CERS3: variants seen among roughly 807,000 people sequenced by gnomAD.
The protein encoded by CERS3 is ceramide synthase 3.
CERS3 carries 33 observed loss-of-function variants against 50.3 expected under a neutral mutation model. That is an observed-to-expected ratio of 0.66 (90% CI 0.50 to 0.88). CERS3 has a LOEUF of 0.88. Ranked by LOEUF, CERS3 falls within the 40% of genes least tolerant of loss-of-function variation. The pLI is 0.00. For missense variants in CERS3, 470 were observed against 460.3 expected (o/e 1.02, Z -0.19); for synonymous variants, 176 against 155.2 (o/e 1.13, Z -0.99).
chr15:100,477,361 C>T (rs1468115446), intron 7 of CERS3, among the ~76,000 whole-genome samples: 2 of 152,146 alleles, frequency 1.3e-5, no homozygotes, highest in East Asian at 3.8e-4. Flanking sequence ...ACTCCTCATC[C>T]TTGATAAGGC....
chr15:100,439,328 A>C (rs759875104), intron 11 of CERS3, among the ~76,000 whole-genome samples: 17 of 152,214 alleles, frequency 1.1e-4, no homozygotes, highest in Admixed American at 6.5e-4. Context: ...ATGAAAATTC[A>C]TGGAGACCAA....
At chr15:100,482,378 G>A (rs1167111088) in intron 5 of CERS3, among the ~76,000 whole-genome samples, 2 of 152,134 alleles carry the variant, frequency 1.3e-5, no homozygotes, top group African/African-American at 4.8e-5. Context: ...GACACTGCTG[G>A]GGCCAGATGG....
At chr15:100,427,240 G>A (rs757486138) in intron 11 of CERS3, among the ~76,000 whole-genome samples, 1 of 152,124 alleles carries the variant, frequency 6.6e-6, no homozygotes, top group Non-Finnish European at 1.5e-5. Flanking sequence ...GCTGGACAGC[G>A]CTGCATCCCT....
chr15:100,439,752 A>G (rs1335886925), intron 11 of CERS3, among the ~76,000 whole-genome samples: 1 of 152,204 alleles, frequency 6.6e-6, no homozygotes, highest in East Asian at 1.9e-4. Context: ...CTGATTTCAC[A>G]GCCAGTTTTG....
intron 5 of CERS3, among the ~76,000 whole-genome samples, chr15:100,482,801 G>A (rs2035353664): frequency 6.6e-6 from 1 of 152,092 alleles, no homozygotes; most frequent in African/African-American, 2.4e-5. Context: ...TAAGAAATAA[G>A]CGCCCGGAGA....
chr15:100,460,710 C>G (rs575833459), intron 10 of CERS3, among the ~76,000 whole-genome samples: 2 of 152,320 alleles, frequency 1.3e-5, no homozygotes, highest in African/African-American at 4.8e-5. Flanking sequence ...ACCTCTGGGT[C>G]CTTCCCTTGT....
chr15:100,416,971 A>C (rs1291884732), intron 11 of CERS3, among the ~76,000 whole-genome samples: 1 of 152,250 alleles, frequency 6.6e-6, no homozygotes, highest in African/African-American at 2.4e-5. Context: ...GCATATGAAA[A>C]AATATTCAAA....
chr15:100,407,321 C>A (rs998985554), intron 11 of CERS3, among the ~76,000 whole-genome samples: 1 of 152,220 alleles, frequency 6.6e-6, no homozygotes, highest in Non-Finnish European at 1.5e-5. Flanking sequence ...TTGCCTTTAA[C>A]AAGAGATCCC....
intron 11 of CERS3, among the ~76,000 whole-genome samples, chr15:100,441,857 C>T (rs959486263): frequency 1.3e-5 from 2 of 152,020 alleles, no homozygotes; most frequent in African/African-American, 4.8e-5. Context: ...CTTTCCCTCC[C>T]GCCTGTCCCC....
chr15:100,515,767 T>G (rs1221260258), intron 2 of CERS3, among the ~76,000 whole-genome samples: 1 of 152,134 alleles, frequency 6.6e-6, no homozygotes, highest in Admixed American at 6.5e-5. Flanking sequence ...GTTGTTCACT[T>G]TAGGAATGTA....
rs1957015984 is a variant in CERS3, at chr15:100,484,454, C to T, written c.407+96G>A. On this transcript the variant is annotated intron_variant, in intron 5 of 11. Transcript: ENST00000679737. ...AGTGGGTGACAGAGCTGGGTCTGAACCCTCCCTCTGCTGCTCCGGCAGTAT... is the reference window on the plus strand; with the variant it reads ...AGTGGGTGACAGAGCTGGGTCTGAATCCTCCCTCTGCTGCTCCGGCAGTAT... 12 of 858,880 alleles carry T rather than the reference C, an allele frequency of 1.4e-5. No individual in the cohort carries two copies. The South Asian group carries it at 1.7e-4, about 12-fold the overall frequency. The allele number at this position is 858,880 out of a possible 1,614,324, so 53.2% of individuals were successfully genotyped here.
rs1334397600 is a variant in CERS3, at chr15:100,402,637, C to T, written c.*76G>A. On this transcript the variant is annotated 3_prime_UTR_variant, in exon 12 of 12. Transcript: ENST00000679737. ...AAGAGGGAAGGGCAGAATGTGGGGTCGGTGTGGGGCCTGGAAGCCAGGCTG... is the reference window on the plus strand; with the variant it reads ...AAGAGGGAAGGGCAGAATGTGGGGTTGGTGTGGGGCCTGGAAGCCAGGCTG... 19 of 1,428,546 alleles carry T rather than the reference C, an allele frequency of 1.3e-5. No homozygotes were observed. The highest frequency in any genetic ancestry group is 4.7e-5 in the East Asian group (2 of 42,742). The allele number at this position is 1,428,546 out of a possible 1,614,324, so 88.5% of individuals were successfully genotyped here.
intron 2 of CERS3, among the ~76,000 whole-genome samples, chr15:100,510,795 C>T (rs1243916765): frequency 6.6e-6 from 1 of 152,182 alleles, no homozygotes; most frequent in African/African-American, 2.4e-5. Context: ...TAGCCCTGGG[C>T]CATTCATGTC....
intron 1 of CERS3, among the ~76,000 whole-genome samples, chr15:100,527,375 T>C (rs1354406694): frequency 6.6e-6 from 1 of 152,208 alleles, no homozygotes; most frequent in African/African-American, 2.4e-5. Context: ...AATTTTGATC[T>C]GTCTTTCTAG....
chr15:100,436,402 C>T (rs1269840746), intron 11 of CERS3, among the ~76,000 whole-genome samples: 5 of 152,126 alleles, frequency 3.3e-5, no homozygotes, highest in Non-Finnish European at 5.9e-5. Context: ...TGTTCTCACT[C>T]GTAAGTAGAA....
chr15:100,467,961 AC>A (rs1288445506), intron 10 of CERS3, among the ~76,000 whole-genome samples: 1 of 149,708 alleles, frequency 6.7e-6, no homozygotes, highest in Non-Finnish European at 1.5e-5. Flanking sequence ...GGCTTAAGTG[AC>A]CCCCCCGCCA....
chr15:100,433,515 AG>A (rs2033238382), intron 11 of CERS3, among the ~76,000 whole-genome samples: 1 of 152,202 alleles, frequency 6.6e-6, no homozygotes, highest in East Asian at 1.9e-4. Flanking sequence ...CCAAATACAG[AG>A]GCCCAGCCTC....
At chr15:100,454,316 G>A (rs1346588535) in intron 11 of CERS3, among the ~76,000 whole-genome samples, 1 of 149,490 alleles carries the variant, frequency 6.7e-6, no homozygotes, top group Non-Finnish European at 1.5e-5. Context: ...TTTGAGCCTG[G>A]GAGATTGAGG....
chr15:100,496,118 T>C (rs1333327704), intron 3 of CERS3, among the ~76,000 whole-genome samples: 1 of 152,218 alleles, frequency 6.6e-6, no homozygotes, highest in Non-Finnish European at 1.5e-5. Flanking sequence ...TCCTCTTCAT[T>C]GCAGAACAAT....
Sources: allele counts gnomAD v4.1 joint callset (sites outside exome capture counted in the v4.1 genomes callset), GRCh38; gene constraint gnomAD v4.1.1; transcripts MANE v1.5; gene names NCBI Gene and HGNC (gene_info 2026-07-23, HGNC 2026-07-21).